ARL6: variants seen among roughly 807,000 people sequenced by gnomAD.
ARL6 encodes the protein ARF like GTPase 6.
ARL6 carries 18 observed loss-of-function variants against 27.1 expected under a neutral mutation model. The observed-to-expected ratio is 0.66, with a 90% CI of 0.46 to 0.98. The LOEUF is 0.98. Ranked by LOEUF, ARL6 falls within the 50% of genes least tolerant of loss-of-function variation. ARL6 has a pLI of 0.00. For missense variants in ARL6, 187 were observed against 214.9 expected (o/e 0.87, Z 0.81); for synonymous variants, 65 against 72.3 (o/e 0.90, Z 0.51).
intron 4 of ARL6, 89 bp downstream of exon 4, chr3:97,780,772 T>G: frequency 9.8e-7 from 1 of 1,023,102 alleles, no homozygotes; most frequent in Non-Finnish European, 1.5e-6. Flanking sequence ...CTAGGTTGTT[T>G]GGCTTTTTTT....
intron 2 of ARL6, among the ~76,000 whole-genome samples, chr3:97,771,385 CTCTT>C (rs1297157859): frequency 6.6e-6 from 1 of 151,968 alleles, no homozygotes; most frequent in Non-Finnish European, 1.5e-5. Flanking sequence ...TTAACTGAAT[CTCTT>C]TATCAGTTCT....
chr3:97,787,853 T>C, intron 5 of ARL6, 137 bp from the exon 6 acceptor site: 1 of 841,304 alleles, frequency 1.2e-6, no homozygotes, highest in Non-Finnish European at 1.9e-6. Context: ...TGACAGTATG[T>C]GTCTTTAAAT....
chr3:97,800,527 T>C lies in ARL6; in HGVS notation c.*2478T>C, dbSNP rs1257044722. On this transcript the variant is annotated 3_prime_UTR_variant, in exon 8 of 8. Transcript: ENST00000463745. Reference sequence around the variant, plus strand: ...ATATGGCCCTATTCAGCCTGTGCTTTATAAATCACAAAAGAGCTGGGTTTT... The same window carrying C: ...ATATGGCCCTATTCAGCCTGTGCTTCATAAATCACAAAAGAGCTGGGTTTT... The C allele has an allele frequency of 6.6e-6, 1 of 152,182 alleles. No individual in the cohort carries two copies. The highest frequency in any genetic ancestry group is 2.4e-5 in the African/African-American group (1 of 41,456). 9.4% of individuals were successfully genotyped at this position (152,182 alleles called of 1,614,324 possible). A position where few individuals can be genotyped will look rare whatever the true frequency, so the allele number is the denominator to read the frequency against.
At chr3:97,774,405 C>G (rs888270368) in intron 2 of ARL6, among the ~76,000 whole-genome samples, 2 of 152,060 alleles carry the variant, frequency 1.3e-5, no homozygotes, top group African/African-American at 2.4e-5. Flanking sequence ...CATTATCTTG[C>G]CTGGCAACTG....
intron 1 of ARL6, among the ~76,000 whole-genome samples, chr3:97,765,461 C>T (rs1657756384): frequency 6.6e-6 from 1 of 152,146 alleles, no homozygotes; most frequent in Admixed American, 6.5e-5. Context: ...TTCTGGACTT[C>T]TCTGGCAATA....
intron 7 of ARL6, among the ~76,000 whole-genome samples, chr3:97,794,543 A>AAAT (rs2037908506): frequency 6.6e-6 from 1 of 152,114 alleles, no homozygotes; most frequent in Non-Finnish European, 1.5e-5. Flanking sequence ...TGTAATAACA[A>AAAT]ATAGTTTATA....
intron 2 of ARL6, among the ~76,000 whole-genome samples, chr3:97,770,098 G>A (rs936721883): frequency 8.5e-5 from 13 of 152,058 alleles, no homozygotes; most frequent in East Asian, 5.8e-4. Context: ...AGTTTCATGC[G>A]GAAACACTAT....
intron 2 of ARL6, among the ~76,000 whole-genome samples, chr3:97,777,377 C>T (rs1490288112): frequency 6.6e-6 from 1 of 152,070 alleles, no homozygotes; most frequent in African/African-American, 2.4e-5. Flanking sequence ...CTTCCACCCT[C>T]CTACCTATAT....
At chr3:97,765,092 T>C (rs990196435) in intron 1 of ARL6, 115 bp downstream of exon 1, 1 of 152,156 alleles carries the variant, frequency 6.6e-6, no homozygotes, top group Non-Finnish European at 1.5e-5. Flanking sequence ...TTGTTGCTAA[T>C]GTATGAGAAG....
chr3:97,779,865 CAA>C (rs1285144727), intron 2 of ARL6, among the ~76,000 whole-genome samples: 3 of 117,324 alleles, frequency 2.6e-5, no homozygotes, highest in Admixed American at 8.9e-5. Context: ...GACTCTATCT[CAA>C]AAAAAAAAAA....
chr3:97,775,563 A>C (rs2036856526), intron 2 of ARL6, among the ~76,000 whole-genome samples: 1 of 152,098 alleles, frequency 6.6e-6, no homozygotes, highest in South Asian at 2.1e-4. Flanking sequence ...CTCAAATGTT[A>C]ATCTCCTTTA....
In ARL6 at chr3:97,787,042, A is replaced by T. The variant is rs534571941; in HGVS notation, c.350-948A>T. 5.9e-5 allele frequency among the ~76,000 whole-genome samples: 9 copies of T among 152,284 alleles called. 1 individual carries two copies. The highest frequency in any genetic ancestry group is 2.2e-4 in the African/African-American group (9 of 41,580). On this transcript the variant is annotated intron_variant, in intron 5 of 7. Coordinates refer to ENST00000463745, the MANE Select transcript of ARL6 (RefSeq NM_001278293.3). Reference sequence around the variant, plus strand: ...GAAATTTATGTCCTTTGACCCAACAATTCCACATCTTAAATTTATCCTAAG... The same window carrying T: ...GAAATTTATGTCCTTTGACCCAACATTTCCACATCTTAAATTTATCCTAAG...
chr3:97,797,999 ATT>A (rs1327888219), intron 7 of ARL6, 23 bp from the exon 8 acceptor site: 7 of 1,610,950 alleles, frequency 4.3e-6, no homozygotes, highest in Non-Finnish European at 5.9e-6. Flanking sequence ...GAGATTGATA[ATT>A]TTTGTTTGTT....
chr3:97,765,235 TG>T (rs1296189501), intron 1 of ARL6, among the ~76,000 whole-genome samples: 29 of 151,778 alleles, frequency 1.9e-4, no homozygotes, highest in African/African-American at 6.8e-4. Flanking sequence ...TGTGTGTGTG[TG>T]TGTGTGTGTG....
At chr3:97,787,959 A>C (rs1159896139) in intron 5 of ARL6, 31 bp from the exon 6 acceptor site, 2 of 1,612,116 alleles carry the variant, frequency 1.2e-6, no homozygotes, top group Non-Finnish European at 8.5e-7. Flanking sequence ...AAAAGCTGGA[A>C]GTGTGATGAT....
intron 1 of ARL6, 100 bp from the exon 2 acceptor site, chr3:97,767,981 T>C: frequency 9.8e-7 from 1 of 1,020,600 alleles, no homozygotes; most frequent in Non-Finnish European, 1.5e-6. Flanking sequence ...CACACTATTA[T>C]TATGTGTATT....
chr3:97,765,211 GGTGTGTGTGT>G (rs71113866), intron 1 of ARL6, among the ~76,000 whole-genome samples: 106 of 105,614 alleles, frequency 1.0e-3, no homozygotes, highest in African/African-American at 2.6e-3. Flanking sequence ...GTGTATTGGG[GGTGTGTGTGT>G]GTGTGTGTGT....
chr3:97,770,677 T>G (rs1444326222), intron 2 of ARL6, among the ~76,000 whole-genome samples: 1 of 152,144 alleles, frequency 6.6e-6, no homozygotes, highest in South Asian at 2.1e-4. Context: ...GATTTAAGTC[T>G]TTAATCCATT....
intron 4 of ARL6, among the ~76,000 whole-genome samples, chr3:97,783,571 G>T (rs1261666071): frequency 6.6e-6 from 1 of 151,818 alleles, no homozygotes; most frequent in African/African-American, 2.4e-5. Context: ...CTGGCTCAAA[G>T]TGATTGAACG....
Sources: gnomAD v4.1 joint callset for allele counts (sites outside exome capture counted in the v4.1 genomes callset) on GRCh38, gnomAD v4.1.1 for gene constraint, MANE v1.5 for transcripts, NCBI Gene and HGNC (gene_info 2026-07-23, HGNC 2026-07-21) for gene names.